WDR70: variants seen among roughly 807,000 people sequenced by gnomAD.
WDR70 encodes the protein WD repeat domain 70.
WDR70 carries 53 observed loss-of-function variants against 88.6 expected under a neutral mutation model. The ratio of observed to expected loss-of-function variants is 0.60; its 90% CI spans 0.48 to 0.75. The LOEUF is 0.75. Ranked by LOEUF, WDR70 falls within the 30% of genes least tolerant of loss-of-function variation. WDR70 has a pLI of 0.00. For missense variants in WDR70, 610 were observed against 823.2 expected, an observed-to-expected ratio of 0.74 and a Z score of 3.17; for synonymous variants, 280 against 270.0, an observed-to-expected ratio of 1.04 and a Z score of -0.36.
At chr5:37,442,188 C>T (rs953756795) in intron 6 of WDR70, among the ~76,000 whole-genome samples, 1 of 151,678 alleles carries the variant, frequency 6.6e-6, no homozygotes, top group Non-Finnish European at 1.5e-5. Flanking sequence ...CAGGCATGCG[C>T]CACCATGCCT....
rs570209547 is a variant in WDR70, at chr5:37,489,985, C to T, written c.840+9998C>T. On this transcript the variant is annotated intron_variant, in intron 8 of 17. Transcript: ENST00000265107. ...GGCATTTTGGGGCTGTCATCAGGTC[C>T]CCCTGATGGTCCAAATGGGTATAGG... Among the ~76,000 whole-genome samples the T allele has an allele frequency of 9.9e-5, 15 of 152,174 alleles. No homozygotes were observed. In the East Asian group the frequency reaches 1.7e-3, roughly 18 times the overall value.
intron 7 of WDR70, among the ~76,000 whole-genome samples, chr5:37,451,464 A>T (rs916846197): frequency 1.3e-5 from 2 of 152,158 alleles, no homozygotes; most frequent in African/African-American, 4.8e-5. Flanking sequence ...ATTCTAAGGA[A>T]CTGAAATTTC....
intron 5 of WDR70, among the ~76,000 whole-genome samples, chr5:37,401,070 C>T (rs1428361023): frequency 6.6e-6 from 1 of 151,728 alleles, no homozygotes; most frequent in Non-Finnish European, 1.5e-5. Context: ...GTAATCAAAG[C>T]TCACTACATC....
At chr5:37,443,842 C>A (rs1287724352) in intron 7 of WDR70, among the ~76,000 whole-genome samples, 1 of 151,042 alleles carries the variant, frequency 6.6e-6, no homozygotes, top group African/African-American at 2.4e-5. Context: ...CAGAGAGAGA[C>A]TCCATCTCAA....
At chr5:37,747,073 T>C (rs2112742815) in intron 17 of WDR70, among the ~76,000 whole-genome samples, 1 of 152,224 alleles carries the variant, frequency 6.6e-6, no homozygotes, top group Middle Eastern at 3.4e-3. Flanking sequence ...TTAATCCATG[T>C]CATCAAGTCA....
At chr5:37,646,985 TA>T (rs1745258432) in intron 10 of WDR70, among the ~76,000 whole-genome samples, 1 of 152,228 alleles carries the variant, frequency 6.6e-6, no homozygotes, top group African/African-American at 2.4e-5. Flanking sequence ...ACTTCCTCTT[TA>T]AGGCCAATAA....
rs1018857615 is a variant in WDR70, at chr5:37,655,330, C to G, written c.1093-42325C>G. Reference sequence around the variant, plus strand: ...ATGCGCTGTTAGTCTGATGGGCTTCCTTCTGTGGGTAACCCAACCTTTCTT... The same window carrying G: ...ATGCGCTGTTAGTCTGATGGGCTTCGTTCTGTGGGTAACCCAACCTTTCTT... On this transcript the variant is annotated intron_variant, in intron 10 of 17. Coordinates refer to ENST00000265107, the MANE Select transcript of WDR70 (RefSeq NM_018034.4). Among the ~76,000 whole-genome samples, 6 of 152,258 alleles carry G rather than the reference C, an allele frequency of 3.9e-5. No homozygotes were observed. In the South Asian group the frequency reaches 6.2e-4, roughly 16 times the overall value.
chr5:37,691,880 A>ATTC, intron 10 of WDR70, among the ~76,000 whole-genome samples: 1 of 152,206 alleles, frequency 6.6e-6, no homozygotes, highest in Non-Finnish European at 1.5e-5. Flanking sequence ...GGAAATAGAG[A>ATTC]CACAAAAAAC....
chr5:37,660,887 A>T (rs1183335711), intron 10 of WDR70, among the ~76,000 whole-genome samples: 12 of 152,120 alleles, frequency 7.9e-5, no homozygotes, highest in Non-Finnish European at 1.6e-4. Context: ...ATACAACAAT[A>T]AAAGAAGGCC....
chr5:37,530,191 T>C (rs890649282), intron 9 of WDR70, among the ~76,000 whole-genome samples: 1 of 152,186 alleles, frequency 6.6e-6, no homozygotes. Context: ...ATTATATTTT[T>C]GATATGCTGT....
At chr5:37,536,159 T>C (rs959978097) in intron 9 of WDR70, among the ~76,000 whole-genome samples, 2 of 152,266 alleles carry the variant, frequency 1.3e-5, no homozygotes, top group African/African-American at 4.8e-5. Flanking sequence ...TCAGTATAAG[T>C]AGACTGGGTT....
At chr5:37,548,409 A>G (rs1351093211) in intron 9 of WDR70, among the ~76,000 whole-genome samples, 1 of 152,076 alleles carries the variant, frequency 6.6e-6, no homozygotes, top group Non-Finnish European at 1.5e-5. Context: ...GCACATTTTC[A>G]TATGTCTGTT....
chr5:37,573,864 G>A (rs1742981178), intron 9 of WDR70, among the ~76,000 whole-genome samples: 1 of 151,954 alleles, frequency 6.6e-6, no homozygotes, highest in Non-Finnish European at 1.5e-5. Context: ...CTCCTTTCCT[G>A]GCTTCTCAGC....
intron 10 of WDR70, among the ~76,000 whole-genome samples, chr5:37,672,698 A>G (rs935243055): frequency 6.6e-6 from 1 of 152,102 alleles, no homozygotes; most frequent in African/African-American, 2.4e-5. Context: ...AAGATAGTGA[A>G]AATAGCAATC....
intron 9 of WDR70, among the ~76,000 whole-genome samples, chr5:37,562,361 AG>A (rs1393274949): frequency 6.6e-6 from 1 of 152,192 alleles, no homozygotes; most frequent in African/African-American, 2.4e-5. Context: ...GTGTCTCAAA[AG>A]AAAAAAAAAA....
rs57694936 is a variant in WDR70 at position 37,537,186 on chromosome 5, G to A, written c.917+20596G>A. 3.3e-3 allele frequency among the ~76,000 whole-genome samples: 500 copies of A among 152,210 alleles called. 9 individuals carry two copies. The highest frequency in any genetic ancestry group is 0.012 in the African/African-American group (478 of 41,550). ...TCTAGAAGAAATTTTAGCAGTAAGC[G>A]GAAGCAGTTGGGAAGAAAATACTGT... On this transcript the variant is annotated intron_variant, in intron 9 of 17. Transcript: ENST00000265107.
Position 37,398,876 on chromosome 5 carries a change from G to A in WDR70, c.492+2306G>A, listed in dbSNP as rs73068487. Among the ~76,000 whole-genome samples, 1,125 of 152,166 alleles carry A rather than the reference G, an allele frequency of 7.4e-3. 19 individuals are homozygous for A. Among genetic ancestry groups the A allele is most frequent in the African/African-American group, 0.025 (1,057 of 41,524 alleles). The stretch of plus-strand genomic sequence containing the variant: ...AAATATTTTGACTGGGCACTGTGGC[G>A]CACGCCTGTAATCCCAGTACTTTGG... On this transcript the variant is annotated intron_variant, in intron 5 of 17. Coordinates refer to ENST00000265107, the MANE Select transcript of WDR70 (RefSeq NM_018034.4).
intron 9 of WDR70, among the ~76,000 whole-genome samples, chr5:37,526,306 C>G (rs1741270128): frequency 6.6e-6 from 1 of 152,294 alleles, no homozygotes; most frequent in East Asian, 1.9e-4. Context: ...GGTTTCATCC[C>G]AGGGATGCAA....
intron 11 of WDR70, among the ~76,000 whole-genome samples, chr5:37,699,331 T>TACACAC (rs67566263): frequency 1.2e-4 from 17 of 141,592 alleles, no homozygotes; most frequent in African/African-American, 2.4e-4. Context: ...CTTTCCATCA[T>TACACAC]ACACACACAC....
Sources: allele counts gnomAD v4.1 joint callset (sites outside exome capture counted in the v4.1 genomes callset), GRCh38; gene constraint gnomAD v4.1.1; transcripts MANE v1.5; gene names NCBI Gene and HGNC (gene_info 2026-07-23, HGNC 2026-07-21).